STPG2: variants seen among roughly 807,000 people sequenced by gnomAD.
STPG2 encodes the protein sperm-tail PG-rich repeat-containing protein 2.
A neutral mutation model predicts 54.2 loss-of-function variants in STPG2; 56 were observed. The ratio of observed to expected loss-of-function variants is 1.03; its 90% CI spans 0.83 to 1.29. The LOEUF (loss-of-function observed/expected upper bound fraction) is 1.29, where lower values mean the gene tolerates loss of function less well. Ranked by LOEUF, STPG2 falls within the 50% of genes most tolerant of loss-of-function variation. The pLI is 0.00. For synonymous variants in STPG2, 200 were observed against 181.8 expected, an observed-to-expected ratio of 1.10 and a Z score of -0.81; for missense variants, 596 against 544.9, an observed-to-expected ratio of 1.09 and a Z score of -0.93.
At chr4:97,565,367 C>G (rs1292563092) in intron 10 of STPG2, among the ~76,000 whole-genome samples, 1 of 152,036 alleles carries the variant, frequency 6.6e-6, no homozygotes, top group African/African-American at 2.4e-5. Flanking sequence ...AACTTCTTTT[C>G]CCTTGGTTTG....
intron 3 of STPG2, among the ~76,000 whole-genome samples, chr4:98,117,967 A>AT (rs780966983): frequency 1.1e-3 from 164 of 152,088 alleles, no homozygotes; most frequent in Non-Finnish European, 2.1e-3. Context: ...TATATGGGCC[A>AT]TTTTTTTATT....
chr4:97,858,817 G>C (rs1461950009), intron 8 of STPG2, among the ~76,000 whole-genome samples: 1 of 152,148 alleles, frequency 6.6e-6, no homozygotes, highest in Non-Finnish European at 1.5e-5. Flanking sequence ...CATTAAAGCT[G>C]ATACCATATT....
chr4:97,586,239 G>A (rs928138245), intron 10 of STPG2, among the ~76,000 whole-genome samples: 1 of 151,874 alleles, frequency 6.6e-6, no homozygotes, highest in Non-Finnish European at 1.5e-5. Context: ...TACAATCAGT[G>A]AAACTGAGGA....
intron 4 of STPG2, among the ~76,000 whole-genome samples, chr4:97,519,719 A>C (rs2148846321): frequency 6.6e-6 from 1 of 152,070 alleles, no homozygotes; most frequent in Non-Finnish European, 1.5e-5. Context: ...ATCATGTTAC[A>C]TCTCTAGCCA....
intron 8 of STPG2, among the ~76,000 whole-genome samples, chr4:97,864,094 C>T (rs538581280): frequency 1.3e-5 from 2 of 152,184 alleles, no homozygotes; most frequent in Admixed American, 6.6e-5. Context: ...GAAGTTCTGG[C>T]CAGGGCAATC....
At chr4:98,141,800 A>G (rs1740288487) in intron 1 of STPG2, among the ~76,000 whole-genome samples, 1 of 152,146 alleles carries the variant, frequency 6.6e-6, no homozygotes, top group South Asian at 2.1e-4. Flanking sequence ...TCTTTTCATC[A>G]ACAAGAAACA....
intron 10 of STPG2, among the ~76,000 whole-genome samples, chr4:97,652,451 G>A (rs1013453290): frequency 2.0e-5 from 3 of 151,532 alleles, no homozygotes; most frequent in African/African-American, 7.3e-5. Flanking sequence ...AAACTTGCTA[G>A]TATATGTTCT....
Position 97,700,047 on chromosome 4 carries a change from C to T in STPG2, c.1320+12652G>A, listed in dbSNP as rs186494140. ...ACTTGATGACCCATAGTCAAACGTT[C>T]AGTTTCTACCAAAGCCCAGTAACAG... On this transcript the variant is annotated intron_variant, in intron 10 of 10. Coordinates refer to ENST00000295268, the MANE Select transcript of STPG2 (RefSeq NM_174952.3). 1.1e-4 allele frequency among the ~76,000 whole-genome samples: 17 copies of T among 152,328 alleles called. No homozygotes were observed. The East Asian group carries it at 3.1e-3, about 28-fold the overall frequency.
chr4:97,754,860 G>A (rs9995263), intron 9 of STPG2, among the ~76,000 whole-genome samples: 127,540 of 152,038 alleles, frequency 0.84, 53,668 homozygotes, highest in Middle Eastern at 0.94. Context: ...AAGGGATTAT[G>A]CAAGGCCTTA....
intron 4 of STPG2, among the ~76,000 whole-genome samples, chr4:97,497,291 A>G (rs1730630816): frequency 6.6e-6 from 1 of 151,736 alleles, no homozygotes; most frequent in Admixed American, 6.6e-5. Flanking sequence ...AATTATAATC[A>G]TTTCACTATA....
At position 97,584,722 on chromosome 4, in the gene STPG2, G is replaced by A. The variant is rs1426775366; in HGVS notation, c.1321-25605C>T. On this transcript the variant is annotated intron_variant, in intron 10 of 10. Transcript: ENST00000295268. ...ACACCAATACAGCAGAAATACAAAA[G>A]ATCATTCAAGGCTACTATGAAGACC... Among the ~76,000 whole-genome samples, 7 of 151,674 alleles carry A rather than the reference G, an allele frequency of 4.6e-5. No individual in the cohort carries two copies. The East Asian group carries it at 1.2e-3, about 25-fold the overall frequency.
chr4:98,137,279 A>G (rs1740160759), intron 1 of STPG2, among the ~76,000 whole-genome samples: 1 of 151,152 alleles, frequency 6.6e-6, no homozygotes, highest in Admixed American at 6.6e-5. Context: ...GGGTCATTTC[A>G]TCAACAGTAT....
At chr4:97,718,091 AC>A (rs1724345005) in intron 9 of STPG2, among the ~76,000 whole-genome samples, 2 of 152,204 alleles carry the variant, frequency 1.3e-5, no homozygotes, top group South Asian at 2.1e-4. Context: ...CTAAATTAGC[AC>A]CACTCTATTT....
chr4:98,060,321 C>A (rs1578821786), intron 5 of STPG2, among the ~76,000 whole-genome samples: 1 of 151,988 alleles, frequency 6.6e-6, no homozygotes, highest in Non-Finnish European at 1.5e-5. Context: ...TTCAGAACTG[C>A]CACAAAAAGA....
intron 5 of STPG2, among the ~76,000 whole-genome samples, chr4:98,068,741 C>T (rs893231823): frequency 6.6e-6 from 1 of 151,966 alleles, no homozygotes; most frequent in African/African-American, 2.4e-5. Flanking sequence ...ATTGTGCAAA[C>T]ATCATAGAGT....
chr4:97,559,809 C>A (rs546789027), intron 10 of STPG2, among the ~76,000 whole-genome samples: 1 of 152,260 alleles, frequency 6.6e-6, no homozygotes, highest in Non-Finnish European at 1.5e-5. Flanking sequence ...TCCTAATGTC[C>A]TTTTGACAAA....
At chr4:97,515,315 CA>C (rs1731053518) in intron 4 of STPG2, among the ~76,000 whole-genome samples, 1 of 151,984 alleles carries the variant, frequency 6.6e-6, no homozygotes, top group African/African-American at 2.4e-5. Flanking sequence ...AATGTATACC[CA>C]TTTGGGAAAC....
intron 8 of STPG2, chr4:97,917,086 C>T (rs1472893981): frequency 6.6e-6 from 1 of 152,618 alleles, no homozygotes; most frequent in Admixed American, 6.5e-5. Context: ...ACTCTATCTC[C>T]CTCTTTAACT....
chr4:97,955,069 A>G (rs978922558), intron 7 of STPG2, among the ~76,000 whole-genome samples: 2 of 152,214 alleles, frequency 1.3e-5, no homozygotes, highest in African/African-American at 4.8e-5. Context: ...AGAAATAAAA[A>G]AATACAATAT....
Sources: gnomAD v4.1 joint callset for allele counts (sites outside exome capture counted in the v4.1 genomes callset) on GRCh38, gnomAD v4.1.1 for gene constraint, MANE v1.5 for transcripts, NCBI Gene and HGNC (gene_info 2026-07-23, HGNC 2026-07-21) for gene names.